The following ESCO2 variants were observed in gnomAD, a reference collection of about 807,000 sequenced individuals.
The protein encoded by ESCO2 is N-acetyltransferase ESCO2.
ESCO2 carries 51 observed loss-of-function variants against 61.7 expected under a neutral mutation model. The observed-to-expected ratio is 0.83, with a 90% CI of 0.66 to 1.04. The LOEUF (loss-of-function observed/expected upper bound fraction) is 1.04. Among genes scored for constraint, ESCO2 ranks in the 50% least tolerant of loss-of-function variants. The probability of loss-of-function intolerance (pLI) is 0.00; values close to 1 mark genes in which losing one functional copy is unlikely to be tolerated. For synonymous variants in ESCO2, 230 were observed against 238.2 expected, an observed-to-expected ratio of 0.97 and a Z score of 0.32; for missense variants, 692 against 686.2, an observed-to-expected ratio of 1.01 and a Z score of -0.09.
intron 9 of ESCO2, among the ~76,000 whole-genome samples, chr8:27,798,658 A>G (rs901920458): frequency 6.6e-6 from 1 of 152,200 alleles, no homozygotes; most frequent in African/African-American, 2.4e-5. Flanking sequence ...ATAAGCTATG[A>G]TACAGCCATA....
intron 4 of ESCO2, among the ~76,000 whole-genome samples, chr8:27,783,729 C>T (rs1804975232): frequency 6.6e-6 from 1 of 152,154 alleles, no homozygotes; most frequent in Admixed American, 6.5e-5. Context: ...GCATGAGCCA[C>T]CACGCCTGGT....
At chr8:27,817,229 A>G (rs1805834948), downstream of ESCO2, among the ~76,000 whole-genome samples, 1 of 152,146 alleles carries the variant, frequency 6.6e-6, no homozygotes. Flanking sequence ...CATCTTGATG[A>G]AAAGTATCTA....
intron 2 of ESCO2, among the ~76,000 whole-genome samples, chr8:27,775,778 T>G (rs1256480740): frequency 6.6e-6 from 1 of 152,254 alleles, no homozygotes; most frequent in African/African-American, 2.4e-5. Context: ...ATCAAAGCTG[T>G]TTTTTAGTTT....
chr8:27,798,277 C>G (rs10866863), intron 9 of ESCO2, among the ~76,000 whole-genome samples: 130,973 of 152,110 alleles, frequency 0.86, 56,555 homozygotes, highest in East Asian at 1. Flanking sequence ...GACCAACATG[C>G]TGAAACCCCC....
chr8:27,813,326 G>A (rs61201459), downstream of ESCO2, among the ~76,000 whole-genome samples: 2 of 152,032 alleles, frequency 1.3e-5, no homozygotes, highest in East Asian at 1.9e-4. Context: ...CATGGGGTAG[G>A]GGGGAGGGAT....
In ESCO2 at chr8:27,799,688, A is replaced by G. The variant is rs765511447; in HGVS notation, c.1645A>G (p.Ile549Val). The stretch of plus-strand genomic sequence containing the variant: ...TTTCAGACTGAAGAGAAGAAAGCGC[A>G]TTGCAAGACGACTGGTTGATACCCT... ...WVFRLKRRKR[I>V]ARRLVDTLRN... The change falls in exon 10 of 11, where the codon ATT (isoleucine) becomes GTT (valine). Residue 549 changes from isoleucine (I) to valine (V), a missense_variant. Transcript: ENST00000305188. 2 of 1,614,048 alleles carry G rather than the reference A, an allele frequency of 1.2e-6. No homozygotes were observed. The highest frequency in any genetic ancestry group is 1.7e-6 in the Non-Finnish European group (2 of 1,180,018).
At position 27,790,637 on chromosome 8, in the gene ESCO2, A is replaced by G. The variant is rs1295486252; in HGVS notation, c.1264-1326A>G. Reference sequence around the variant, plus strand: ...CATCATCTCAGTCCCAAAATTAGTAAGTTTTTCCTATATTTAAAAAAATTT... The same window carrying G: ...CATCATCTCAGTCCCAAAATTAGTAGGTTTTTCCTATATTTAAAAAAATTT... On this transcript the variant is annotated intron_variant, in intron 7 of 10. Transcript: ENST00000305188. 3.3e-5 allele frequency among the ~76,000 whole-genome samples: 5 copies of G among 152,258 alleles called. No homozygotes were observed. In the East Asian group the frequency reaches 5.8e-4, roughly 18 times the overall value.
chr8:27,811,153 T>A, downstream of ESCO2: 1 of 1,612,738 alleles, frequency 6.2e-7, no homozygotes, highest in African/African-American at 1.3e-5. Context: ...AGCAAGATGG[T>A]TATGAAGGCA....
At chr8:27,800,732 G>A (rs1040240091) in intron 10 of ESCO2, among the ~76,000 whole-genome samples, 2 of 152,080 alleles carry the variant, frequency 1.3e-5, no homozygotes, top group Non-Finnish European at 1.5e-5. Context: ...GTGATATATC[G>A]ATACAATAAT....
At chr8:27,782,794 C>CT (rs1363520584) in intron 4 of ESCO2, among the ~76,000 whole-genome samples, 2 of 151,684 alleles carry the variant, frequency 1.3e-5, no homozygotes, top group African/African-American at 4.8e-5. Flanking sequence ...TAAGTGCAAT[C>CT]TTTTTGTCTT....
Position 27,803,601 on chromosome 8 carries a change from A to T in ESCO2, c.*163A>T, listed in dbSNP as rs1805503023. On this transcript the variant is annotated 3_prime_UTR_variant, in exon 11 of 11. Transcript: ENST00000305188. Reference sequence around the variant, plus strand: ...ACATATCACAGTTTTGTTCCTTATGAGTTGAAAAGTCAGGAATAAATTTGT... The same window carrying T: ...ACATATCACAGTTTTGTTCCTTATGTGTTGAAAAGTCAGGAATAAATTTGT... 1 of 1,386,040 alleles carries T rather than the reference A, an allele frequency of 7.2e-7. No individual in the cohort carries two copies. The allele number at this position is 1,386,040 out of a possible 1,614,324, so 85.9% of individuals were successfully genotyped here. A position where few individuals can be genotyped will look rare whatever the true frequency, so the allele number is the denominator to read the frequency against.
chr8:27,790,270 G>A (rs1302055873), intron 7 of ESCO2, among the ~76,000 whole-genome samples: 1 of 152,082 alleles, frequency 6.6e-6, no homozygotes, highest in Admixed American at 6.5e-5. Context: ...TATATATTTT[G>A]AATATCATTC....
At chr8:27,786,753 T>G (rs1805051117) in intron 5 of ESCO2, among the ~76,000 whole-genome samples, 1 of 151,702 alleles carries the variant, frequency 6.6e-6, no homozygotes, top group Non-Finnish European at 1.5e-5. Context: ...ATAGCTTGAC[T>G]TAGCTTAATG....
Position 27,780,225 on chromosome 8 carries a change from G to T in ESCO2, c.913G>T (p.Glu305Ter). The T allele has an allele frequency of 6.2e-7, 1 of 1,612,390 alleles. No individual in the cohort carries two copies. The highest frequency in any genetic ancestry group is 1.1e-5 in the South Asian group (1 of 90,826). ...SSKEHKVDKN[E>*]AFSSEDSLGE... ...AAAGGAACATAAAGTTGATAAAAAT[G>T]AGGCTTTTTCTTCAGAGGATTCTCT... Residue 305 changes from glutamate to a stop codon, truncating the protein, a stop_gained, in exon 4 of 11, where the codon GAG (glutamate) becomes TAG (stop). Transcript: ENST00000305188. LOFTEE classifies it high-confidence loss of function.
At position 27,791,959 on chromosome 8, in the gene ESCO2, G is replaced by A. The variant is rs2128955838; in HGVS notation, c.1264-4G>A. The A allele has an allele frequency of 6.2e-7, 1 of 1,613,216 alleles. No homozygotes were observed. The highest frequency in any genetic ancestry group is 1.3e-5 in the African/African-American group (1 of 74,718). On this transcript the variant is annotated splice_polypyrimidine_tract_variant and splice_region_variant and intron_variant, in intron 7 of 10. Transcript: ENST00000305188. ...ACTGTGACCCTTTTGTTTTCCTTTG[G>A]CAGGGTTGGAAGAAAGAACGTGTAG...
intron 9 of ESCO2, among the ~76,000 whole-genome samples, chr8:27,799,107 T>C (rs923649463): frequency 6.6e-6 from 1 of 151,186 alleles, no homozygotes; most frequent in Non-Finnish European, 1.5e-5. Flanking sequence ...GTGGTTTTTT[T>C]CAACTTCTTA....
chr8:27,775,857 C>G (rs1410130052), intron 2 of ESCO2, among the ~76,000 whole-genome samples: 1 of 152,168 alleles, frequency 6.6e-6, no homozygotes, highest in Non-Finnish European at 1.5e-5. Flanking sequence ...GGAAATATAC[C>G]AAATCAGCTA....
chr8:27,808,537 A>G (rs1805608426), downstream of ESCO2, among the ~76,000 whole-genome samples: 1 of 151,746 alleles, frequency 6.6e-6, no homozygotes, highest in Non-Finnish European at 1.5e-5. Flanking sequence ...AAAATTAGCC[A>G]GGTGTGGTGG....
In ESCO2 at chr8:27,804,295, T is replaced by C. The variant is rs747431521; in HGVS notation, c.*857T>C. The C allele has an allele frequency of 7.1e-5, 70 of 985,324 alleles. No individual in the cohort carries two copies. Among genetic ancestry groups the C allele is most frequent in the Non-Finnish European group, 8.2e-5 (68 of 829,922 alleles). The allele number at this position is 985,324 out of a possible 1,614,324, so 61.0% of individuals were successfully genotyped here. On this transcript the variant is annotated 3_prime_UTR_variant, in exon 11 of 11. Transcript: ENST00000305188. Reference sequence around the variant, plus strand: ...AGTTAATTTTTGTTGTATGGAAATATTGGTAGTACTACTTTGGGAACCTGT... The same window carrying C: ...AGTTAATTTTTGTTGTATGGAAATACTGGTAGTACTACTTTGGGAACCTGT...
Sources: allele counts gnomAD v4.1 joint callset (sites outside exome capture counted in the v4.1 genomes callset), GRCh38; gene constraint gnomAD v4.1.1; transcripts MANE v1.5; gene names NCBI Gene and HGNC (gene_info 2026-07-23, HGNC 2026-07-21).